The following LRRFIP1 variants were observed in gnomAD, a reference collection of about 807,000 sequenced individuals.
The protein encoded by LRRFIP1 is LRR binding FLII interacting protein 1, also known as leucine-rich repeat flightless-interacting protein 1.
LRRFIP1 carries 62 observed loss-of-function variants against 104.4 expected under a neutral mutation model. The ratio of observed to expected loss-of-function variants is 0.59; its 90% CI spans 0.48 to 0.73. The LOEUF (loss-of-function observed/expected upper bound fraction) is 0.73, where lower values mean the gene tolerates loss of function less well. Among genes scored for constraint, LRRFIP1 ranks in the 30% least tolerant of loss-of-function variants. The pLI, the probability that LRRFIP1 is intolerant of heterozygous loss-of-function variation, is 0.00. For synonymous variants in LRRFIP1, 300 were observed against 299.0 expected (o/e 1.00, Z -0.03); for missense variants, 796 against 824.5 (o/e 0.97, Z 0.42).
chr2:237,766,580 C>G lies in LRRFIP1; in HGVS notation c.1460-3363C>G, dbSNP rs907214997. Among the ~76,000 whole-genome samples the G allele has an allele frequency of 6.6e-6, 1 of 152,180 alleles. No homozygotes were observed. The highest frequency in any genetic ancestry group is 1.5e-5 in the Non-Finnish European group (1 of 68,050). ...ACATCACATCCCTCAGCTCAGCCAT[C>G]CAGCCGTCTCAGTGATTCACCACTC... On this transcript the variant is annotated intron_variant, in intron 19 of 23. Coordinates refer to ENST00000308482, the MANE Select transcript of LRRFIP1 (RefSeq NM_001137550.2). This position sits in a 1 kb window ranked among gnomAD's most constrained non-coding sequence, Gnocchi z 4.8.
chr2:237,751,349 A>G (rs2058607026), intron 14 of LRRFIP1, 78 bp downstream of exon 14: 9 of 1,168,618 alleles, frequency 7.7e-6, no homozygotes, highest in Non-Finnish European at 1.1e-5. Flanking sequence ...CTAAAGAAGA[A>G]ATTCAAAGTG....
At chr2:237,675,798 A>G (rs559852239) in intron 1 of LRRFIP1, among the ~76,000 whole-genome samples, 1 of 152,356 alleles carries the variant, frequency 6.6e-6, no homozygotes, top group South Asian at 2.1e-4. Flanking sequence ...TTAGGGCCTT[A>G]GGTGTTGTTT....
At chr2:237,654,505 T>A (rs1156407584) in intron 1 of LRRFIP1, among the ~76,000 whole-genome samples, 1 of 152,094 alleles carries the variant, frequency 6.6e-6, no homozygotes, top group East Asian at 1.9e-4. Flanking sequence ...GTGATCCCAC[T>A]TCTGGGTATG....
intron 13 of LRRFIP1, among the ~76,000 whole-genome samples, 195 bp from the exon 14 acceptor site, chr2:237,751,005 T>G (rs1390661138): frequency 2.0e-5 from 3 of 152,208 alleles, no homozygotes; most frequent in African/African-American, 7.2e-5. Flanking sequence ...TAAAATCATG[T>G]AAAAATATCA....
intron 10 of LRRFIP1, among the ~76,000 whole-genome samples, chr2:237,736,884 C>T (rs555178551): frequency 6.6e-6 from 1 of 152,294 alleles, no homozygotes; most frequent in East Asian, 1.9e-4. Flanking sequence ...AGTTCCCCTC[C>T]AAGTGGATAC....
intron 1 of LRRFIP1, among the ~76,000 whole-genome samples, chr2:237,679,388 T>C (rs2091540531): frequency 6.6e-6 from 1 of 152,222 alleles, no homozygotes; most frequent in South Asian, 2.1e-4. Context: ...GAAGAAGGAA[T>C]ATATCAGCAA....
intron 1 of LRRFIP1, among the ~76,000 whole-genome samples, chr2:237,645,490 C>T (rs2084748204): frequency 6.6e-6 from 1 of 151,336 alleles, no homozygotes; most frequent in African/African-American, 2.4e-5. Context: ...CGACTTGCCA[C>T]CGCCAAAGCC....
intron 1 of LRRFIP1, among the ~76,000 whole-genome samples, chr2:237,638,354 GA>G (rs1224522602): frequency 1.3e-5 from 2 of 152,192 alleles, no homozygotes; most frequent in Non-Finnish European, 2.9e-5. Flanking sequence ...CATCTGACAA[GA>G]GGTGGAGCTC....
At chr2:237,720,072 A>G (rs912651168) in intron 5 of LRRFIP1, among the ~76,000 whole-genome samples, 1 of 148,326 alleles carries the variant, frequency 6.7e-6, no homozygotes, top group Non-Finnish European at 1.5e-5. Flanking sequence ...TCAGCCTCCC[A>G]AGTAGCTGGG....
At chr2:237,720,073 A>T (rs944533201) in intron 5 of LRRFIP1, among the ~76,000 whole-genome samples, 1 of 150,910 alleles carries the variant, frequency 6.6e-6, no homozygotes, top group Non-Finnish European at 1.5e-5. Context: ...CAGCCTCCCA[A>T]GTAGCTGGGA....
chr2:237,756,410 A>G (rs1408790852), intron 16 of LRRFIP1, among the ~76,000 whole-genome samples: 1 of 152,220 alleles, frequency 6.6e-6, no homozygotes, highest in Non-Finnish European at 1.5e-5. Flanking sequence ...CCTTCTTGCT[A>G]TATCCTTCCT....
intron 19 of LRRFIP1, chr2:237,765,435 T>TA (rs60482580): frequency 0.059 from 26,322 of 449,702 alleles, 88 homozygotes; most frequent in African/African-American, 0.083. Flanking sequence ...ACACTGTCTC[T>TA]AAAAAAAAAA....
At chr2:237,733,852 C>G (rs1219507280) in intron 9 of LRRFIP1, 34 bp downstream of exon 9, 3 of 1,612,370 alleles carry the variant, frequency 1.9e-6, no homozygotes, top group African/African-American at 1.3e-5. Flanking sequence ...GCCCCGCACC[C>G]CCTCCCACTG....
chr2:237,762,045 G>A (rs964198332), intron 19 of LRRFIP1, among the ~76,000 whole-genome samples: 4 of 152,226 alleles, frequency 2.6e-5, no homozygotes, highest in South Asian at 2.1e-4. Context: ...AGTGGCAGAA[G>A]ATAGATTTCC....
At chr2:237,632,666 A>G (rs2082548748) in intron 1 of LRRFIP1, among the ~76,000 whole-genome samples, 1 of 152,140 alleles carries the variant, frequency 6.6e-6, no homozygotes, top group South Asian at 2.1e-4. Flanking sequence ...TGGAGAACCA[A>G]GCTGGGGATG....
At chr2:237,668,173 G>C (rs994492943) in intron 1 of LRRFIP1, among the ~76,000 whole-genome samples, 1 of 152,100 alleles carries the variant, frequency 6.6e-6, no homozygotes, top group Non-Finnish European at 1.5e-5. Context: ...GTGAAATCGT[G>C]AAGCTGGCTG....
chr2:237,758,909 T>G, intron 18 of LRRFIP1, 88 bp downstream of exon 18: 1 of 785,526 alleles, frequency 1.3e-6, no homozygotes, highest in Non-Finnish European at 2.1e-6. Flanking sequence ...TGAATATGTG[T>G]GTACATAATT....
chr2:237,649,948 A>C lies in LRRFIP1; in HGVS notation c.96+22208A>C, dbSNP rs1022933695. Among the ~76,000 whole-genome samples the C allele has an allele frequency of 6.6e-6, 1 of 152,030 alleles. No individual in the cohort carries two copies. Among genetic ancestry groups the C allele is most frequent in the Non-Finnish European group, 1.5e-5 (1 of 67,962 alleles). On this transcript the variant is annotated intron_variant, in intron 1 of 23. Transcript: ENST00000308482. This position sits in a 1 kb window ranked among gnomAD's most constrained non-coding sequence, Gnocchi z 4.1. ...AGGTCATCCTTTCAAGTGTCCATCC[A>C]TCCACTGGGCAGATTTTTACTTAGC... is the stretch of plus-strand genomic sequence containing the variant.
Position 237,649,309 on chromosome 2 carries a change from A to G in LRRFIP1, c.96+21569A>G, listed in dbSNP as rs1686960867. Among the ~76,000 whole-genome samples, 1 of 151,862 alleles carries G rather than the reference A, an allele frequency of 6.6e-6. No individual in the cohort carries two copies. The highest frequency in any genetic ancestry group is 2.4e-5 in the African/African-American group (1 of 41,410). ...CTTTGGGAGGCCAGGGCGGGCAGATAACTTGAGGTCAGGAGTTCAAGACCA... is the reference window on the plus strand; with the variant it reads ...CTTTGGGAGGCCAGGGCGGGCAGATGACTTGAGGTCAGGAGTTCAAGACCA... On this transcript the variant is annotated intron_variant, in intron 1 of 23. Coordinates refer to ENST00000308482, the MANE Select transcript of LRRFIP1 (RefSeq NM_001137550.2). The surrounding 1 kb of genome is among the most constrained non-coding windows in gnomAD (Gnocchi z 4.1).
Sources: gnomAD v4.1 joint callset for allele counts (sites outside exome capture counted in the v4.1 genomes callset) on GRCh38, gnomAD v4.1.1 for gene constraint, Gnocchi (gnomAD v3.1) non-coding constraint, MANE v1.5 for transcripts, NCBI Gene and HGNC (gene_info 2026-07-23, HGNC 2026-07-21) for gene names.